TBPL1: variants seen among roughly 807,000 people sequenced by gnomAD.
TBPL1 encodes the protein TATA-box binding protein like 1.
A neutral mutation model predicts 22.1 loss-of-function variants in TBPL1; 4 were observed. The ratio of observed to expected loss-of-function variants is 0.18; its 90% CI spans 0.09 to 0.41. The LOEUF (loss-of-function observed/expected upper bound fraction) is 0.41. TBPL1 is among the 10% of genes least tolerant of loss of function. The probability of loss-of-function intolerance (pLI) is 1.00; values close to 1 mark genes in which losing one functional copy is unlikely to be tolerated. For missense variants in TBPL1, 115 were observed against 222.3 expected, an observed-to-expected ratio of 0.52 and a Z score of 3.07; for synonymous variants, 64 against 71.0, an observed-to-expected ratio of 0.90 and a Z score of 0.50.
At chr6:133,983,076 A>G (rs1455040427) in intron 4 of TBPL1, among the ~76,000 whole-genome samples, 196 bp downstream of exon 4, 2 of 152,236 alleles carry the variant, frequency 1.3e-5, no homozygotes, top group South Asian at 4.1e-4. Context: ...AAAGGATCCT[A>G]GCTTTTTCCC....
intron 6 of TBPL1, among the ~76,000 whole-genome samples, chr6:133,985,607 G>A (rs1582587034): frequency 6.6e-6 from 1 of 151,868 alleles, no homozygotes; most frequent in Admixed American, 6.6e-5. Context: ...ATGGTACTAT[G>A]ATTATAAATT....
In TBPL1 at chr6:133,980,217, T is replaced by C. The variant is rs1776385135; in HGVS notation, c.92T>C (p.Ile31Thr). The C allele has an allele frequency of 6.2e-7, 1 of 1,610,302 alleles. No individual in the cohort carries two copies. Among genetic ancestry groups the C allele is most frequent in the Non-Finnish European group, 8.5e-7 (1 of 1,178,564 alleles). Residue 31 changes from isoleucine to threonine, a missense_variant, in exon 2 of 7, where the codon ATT becomes ACT. By Grantham distance (89) the Ile-to-Thr change is moderately conservative. Transcript: ENST00000237264. ...AGATGTCATTTAAACTTAAGGAAGA[T>C]TGCTTTGGAAGGAGCAAATGTAATT... is the stretch of plus-strand genomic sequence containing the variant. ...RTRCHLNLRK[I>T]ALEGANVIYK...
In TBPL1 at chr6:133,982,517, C is replaced by T. The variant is rs546029070; in HGVS notation, c.136-51C>T. 46 of 1,533,758 alleles carry T rather than the reference C, an allele frequency of 3.0e-5. No individual in the cohort carries two copies. In the South Asian group the frequency reaches 5.4e-4, roughly 18 times the overall value. Reference sequence around the variant, plus strand: ...TTAATATGACTATATAGAACAGAACCTTATGTGAAAAATAATGCTTATGAG... The same window carrying T: ...TTAATATGACTATATAGAACAGAACTTTATGTGAAAAATAATGCTTATGAG... On this transcript the variant is annotated intron_variant, in intron 2 of 6. Transcript: ENST00000237264.
In TBPL1 at chr6:133,989,372, C is replaced by T. The variant is rs1211419828; in HGVS notation, c.*2332C>T. 1 of 152,016 alleles carries T rather than the reference C, an allele frequency of 6.6e-6. No individual in the cohort carries two copies. The highest frequency in any genetic ancestry group is 1.9e-4 in the East Asian group (1 of 5,198). 9.4% of individuals were successfully genotyped at this position (152,016 alleles called of 1,614,324 possible). A position where few individuals can be genotyped will look rare whatever the true frequency, so the allele number is the denominator to read the frequency against. ...TAAAAGAAAAATATAAAAGAATGCT[C>T]AAGATACTGAAGTCAAGGTCACTAG... On this transcript the variant is annotated 3_prime_UTR_variant, in exon 7 of 7. Coordinates refer to ENST00000237264, the MANE Select transcript of TBPL1 (RefSeq NM_004865.4).
At position 133,973,697 on chromosome 6, in the gene TBPL1, G is replaced by A. The variant is rs575255654; in HGVS notation, c.-44-6385G>A. On this transcript the variant is annotated intron_variant, in intron 1 of 6. Transcript: ENST00000237264. Reference sequence around the variant, plus strand: ...TCTTGTACACAAAATCTTTGAGTGAGGAAGAATGTGCTTTAACTTCTATGA... The same window carrying A: ...TCTTGTACACAAAATCTTTGAGTGAAGAAGAATGTGCTTTAACTTCTATGA... 4.6e-5 allele frequency among the ~76,000 whole-genome samples: 7 copies of A among 152,278 alleles called. No homozygotes were observed. The South Asian group carries it at 1.5e-3, about 32-fold the overall frequency.
chr6:133,956,164 T>C (rs964778646), intron 1 of TBPL1, among the ~76,000 whole-genome samples: 23 of 152,236 alleles, frequency 1.5e-4, no homozygotes, highest in Admixed American at 5.9e-4. Flanking sequence ...ATTATTGCTA[T>C]AAAATATGAA....
chr6:133,974,397 G>A (rs1479432109), intron 1 of TBPL1, among the ~76,000 whole-genome samples: 3 of 152,228 alleles, frequency 2.0e-5, no homozygotes, highest in African/African-American at 7.2e-5. Flanking sequence ...GCAGTGGCGC[G>A]ATCTCAGCTC....
At chr6:133,954,094 C>T (rs988397241) in intron 1 of TBPL1, among the ~76,000 whole-genome samples, 17 of 152,172 alleles carry the variant, frequency 1.1e-4, no homozygotes, top group Non-Finnish European at 1.9e-4. Flanking sequence ...TCTAATAGGG[C>T]ATGAGGGCTT....
At chr6:133,985,505 A>G (rs1030256760) in intron 6 of TBPL1, among the ~76,000 whole-genome samples, 9 of 151,214 alleles carry the variant, frequency 6.0e-5, no homozygotes, top group Middle Eastern at 3.2e-3. Flanking sequence ...TTGTCTTGCT[A>G]TATCTTTTAA....
At chr6:133,968,692 G>A (rs1185354768) in intron 1 of TBPL1, among the ~76,000 whole-genome samples, 3 of 152,082 alleles carry the variant, frequency 2.0e-5, no homozygotes, top group Non-Finnish European at 2.9e-5. Context: ...TGTTTCTTTT[G>A]AGATGGAGTC....
chr6:133,969,831 T>C (rs140146172), intron 1 of TBPL1, among the ~76,000 whole-genome samples: 123 of 152,350 alleles, frequency 8.1e-4, no homozygotes, highest in Middle Eastern at 3.4e-3. Flanking sequence ...GAGTTCAGAA[T>C]TGATGATAAT....
intron 1 of TBPL1, among the ~76,000 whole-genome samples, chr6:133,976,628 G>A (rs1469910682): frequency 3.9e-5 from 6 of 152,062 alleles, no homozygotes; most frequent in South Asian, 2.1e-4. Context: ...TTAACCCATC[G>A]ATAAATTATG....
chr6:133,972,979 C>T (rs1432407339), intron 1 of TBPL1, among the ~76,000 whole-genome samples: 1 of 152,138 alleles, frequency 6.6e-6, no homozygotes, highest in African/African-American at 2.4e-5. Context: ...TAAATGGGAA[C>T]ACTAGGTCAG....
chr6:133,954,871 G>C (rs1562653464), intron 1 of TBPL1, among the ~76,000 whole-genome samples: 1 of 152,092 alleles, frequency 6.6e-6, no homozygotes, highest in African/African-American at 2.4e-5. Context: ...GGGCTGGCTT[G>C]TTCCTGAATG....
At chr6:133,975,884 T>C (rs952576043) in intron 1 of TBPL1, among the ~76,000 whole-genome samples, 5 of 152,212 alleles carry the variant, frequency 3.3e-5, no homozygotes, top group African/African-American at 1.2e-4. Context: ...TACGTAGATG[T>C]TCATTGTGTT....
chr6:133,982,711 T>A (rs1382663372), intron 3 of TBPL1, 61 bp downstream of exon 3: 2 of 1,592,094 alleles, frequency 1.3e-6, no homozygotes, highest in African/African-American at 2.7e-5. Flanking sequence ...GAAAGGACAT[T>A]TTCCTAGACT....
Position 133,986,991 on chromosome 6 carries a change from TGG to T in TBPL1, c.513_514del (p.Glu172ThrfsTer8). ...AATGTAAAGGCTGTTGCTACTGCTG[TGG>T]AACAGATTTACCCATTTGTGTTTGA... is the stretch of plus-strand genomic sequence containing the variant. On this transcript the variant is annotated frameshift_variant, in exon 7 of 7. Transcript: ENST00000237264. LOFTEE classifies it high-confidence loss of function. 1 of 1,610,630 alleles carries T rather than the reference TGG, an allele frequency of 6.2e-7. No homozygotes were observed. Among genetic ancestry groups the T allele is most frequent in the East Asian group, 2.2e-5 (1 of 44,684 alleles).
Position 133,980,118 on chromosome 6 carries a change from C to T in TBPL1, c.-8C>T. 1 of 1,489,748 alleles carries T rather than the reference C, an allele frequency of 6.7e-7. No homozygotes were observed. The highest frequency in any genetic ancestry group is 8.9e-7 in the Non-Finnish European group (1 of 1,117,966). 92.3% of individuals were successfully genotyped at this position (1,489,748 alleles called of 1,614,324 possible). ...CGTGGTGGAAAGCTAAATTTTAAAA[C>T]CACCCCAATGGATGCAGACAGTGAT... is the stretch of plus-strand genomic sequence containing the variant. On this transcript the variant is annotated 5_prime_UTR_variant, in exon 2 of 7. Coordinates refer to ENST00000237264, the MANE Select transcript of TBPL1 (RefSeq NM_004865.4).
At chr6:133,986,514 A>G (rs991853409) in intron 6 of TBPL1, among the ~76,000 whole-genome samples, 2 of 152,138 alleles carry the variant, frequency 1.3e-5, no homozygotes, top group Non-Finnish European at 2.9e-5. Flanking sequence ...TTAAACCAGC[A>G]TTCTGGTTTC....
Sources: allele counts gnomAD v4.1 joint callset (sites outside exome capture counted in the v4.1 genomes callset), GRCh38; gene constraint gnomAD v4.1.1; transcripts MANE v1.5; gene names NCBI Gene and HGNC (gene_info 2026-07-23, HGNC 2026-07-21).